Variants in ESR1 observed in about 807,000 individuals in gnomAD.
ESR1 encodes the protein estrogen receptor 1.
Under a neutral mutation model 52.7 loss-of-function variants are expected in ESR1, and 12 were observed. The ratio of observed to expected loss-of-function variants is 0.23; its 90% CI spans 0.15 to 0.37. The LOEUF is 0.37. ESR1 is among the 10% of genes least tolerant of loss of function. ESR1 has a pLI of 1.00. For synonymous variants in ESR1, 305 were observed against 316.8 expected, an observed-to-expected ratio of 0.96 and a Z score of 0.39; for missense variants, 584 against 779.7, an observed-to-expected ratio of 0.75 and a Z score of 2.99.
At chr6:151,739,658 C>T (rs1001006852) in intron 2 of ESR1, among the ~76,000 whole-genome samples, 14 of 152,228 alleles carry the variant, frequency 9.2e-5, no homozygotes, top group African/African-American at 2.7e-4. Context: ...ACCCCGAACC[C>T]CTTTGATCCC....
chr6:152,007,279 A>T (rs2042407896), intron 4 of ESR1, among the ~76,000 whole-genome samples: 1 of 152,022 alleles, frequency 6.6e-6, no homozygotes, highest in African/African-American at 2.4e-5. Flanking sequence ...AGGGAGGTGG[A>T]CATGCTATGA....
At chr6:151,738,778 C>T (rs1356688715) in intron 2 of ESR1, among the ~76,000 whole-genome samples, 1 of 152,098 alleles carries the variant, frequency 6.6e-6, no homozygotes, top group Non-Finnish European at 1.5e-5. Flanking sequence ...TTCTAATGTG[C>T]ATGAGCTGGA....
chr6:152,036,341 C>G (rs1562705546), intron 5 of ESR1, among the ~76,000 whole-genome samples: 2 of 152,268 alleles, frequency 1.3e-5, no homozygotes, highest in East Asian at 1.9e-4. Flanking sequence ...GCCTGGGCAA[C>G]AGTGCGAGAC....
rs534325705 is a variant in ESR1 at position 151,944,495 on chromosome 6, G to T, written c.1083G>T (p.Ala361=). 8.7e-6 allele frequency: 14 copies of T among 1,614,218 alleles called. No individual in the cohort carries two copies. Among genetic ancestry groups the T allele is most frequent in the Non-Finnish European group, 1.2e-5 (14 of 1,180,028 alleles). ...DRELVHMINW[A]KRVPGFVDLT... ...AGCTGGTTCACATGATCAACTGGGC[G>T]AAGAGGGTGCCAGGTAAGAATGCGA... The change falls in exon 4 of 8, where the codon GCG becomes GCT. Residue 361 remains alanine, a synonymous_variant. Transcript: ENST00000206249.
chr6:151,901,019 C>T (rs866170184), intron 3 of ESR1, among the ~76,000 whole-genome samples: 3 of 152,182 alleles, frequency 2.0e-5, no homozygotes, highest in African/African-American at 7.2e-5. Context: ...GAGTATATGA[C>T]CTTTGCCTTC....
intron 2 of ESR1, among the ~76,000 whole-genome samples, chr6:151,711,116 A>G (rs548764713): frequency 2.0e-5 from 3 of 152,140 alleles, no homozygotes; most frequent in Admixed American, 2.0e-4. Flanking sequence ...GATCCTTGAG[A>G]AATTGCCACA....
At chr6:151,899,158 G>A (rs1268152954) in intron 3 of ESR1, among the ~76,000 whole-genome samples, 1 of 146,666 alleles carries the variant, frequency 6.8e-6, no homozygotes, top group Non-Finnish European at 1.5e-5. Flanking sequence ...GGACGGGGCG[G>A]CTGGCCGGGC....
chr6:151,937,436 G>A lies in ESR1; in HGVS notation c.761-6737G>A, dbSNP rs192021885. Among the ~76,000 whole-genome samples, 291 of 152,274 alleles carry A rather than the reference G, an allele frequency of 1.9e-3. 1 individual carries two copies. Among genetic ancestry groups the A allele is most frequent in the African/African-American group, 6.8e-3 (282 of 41,572 alleles). On this transcript the variant is annotated intron_variant, in intron 3 of 7. Coordinates refer to ENST00000206249, the MANE Select transcript of ESR1 (RefSeq NM_000125.4). ...AAGATAGACAAGATCAGTTAATTGG[G>A]TTGGAGGGAAGACTGAAGATAGGCA...
intron 2 of ESR1, among the ~76,000 whole-genome samples, chr6:151,743,985 A>G (rs769462335): frequency 1.3e-5 from 2 of 152,128 alleles, no homozygotes; most frequent in African/African-American, 4.8e-5. Flanking sequence ...GAAATTTCAT[A>G]TAAATGGAAT....
At position 151,712,096 on chromosome 6, in the gene ESR1, A is replaced by G. The variant is rs558339971; in HGVS notation, c.-71+10091A>G. ...GTTTTCCCATCACCATTTATTAAAT[A>G]GGGAATCCTTTCCCCATTGCTTGTT... On this transcript the variant is annotated intron_variant, in intron 2 of 2. Transcript: ENST00000404742. 3.3e-5 allele frequency among the ~76,000 whole-genome samples: 5 copies of G among 152,340 alleles called. No individual in the cohort carries two copies. The East Asian group carries it at 9.6e-4, about 29-fold the overall frequency.
intron 5 of ESR1, among the ~76,000 whole-genome samples, chr6:152,058,661 G>A (rs999229069): frequency 1.6e-4 from 23 of 147,412 alleles, no homozygotes; most frequent in Non-Finnish European, 1.9e-4. Flanking sequence ...CTTTTCCTGT[G>A]TCTTGCACCT....
At chr6:151,750,195 G>C (rs914734086) in intron 2 of ESR1, among the ~76,000 whole-genome samples, 2 of 152,074 alleles carry the variant, frequency 1.3e-5, no homozygotes, top group African/African-American at 2.4e-5. Context: ...TTCAGCTCTG[G>C]TTATGTACAT....
At chr6:152,051,213 C>T (rs955450573) in intron 5 of ESR1, among the ~76,000 whole-genome samples, 1 of 152,088 alleles carries the variant, frequency 6.6e-6, no homozygotes, top group Non-Finnish European at 1.5e-5. Flanking sequence ...CATACTAAGC[C>T]CCATAATCAG....
At chr6:151,915,041 G>C (rs1798835863) in intron 3 of ESR1, among the ~76,000 whole-genome samples, 4 of 151,978 alleles carry the variant, frequency 2.6e-5, no homozygotes, top group Admixed American at 2.6e-4. Context: ...TATTGTTTCT[G>C]GCTTTTAAAA....
At chr6:151,736,375 G>GGTTTTTTTTTTTTTTTTTTTTTTTTT (rs1554247186) in intron 2 of ESR1, among the ~76,000 whole-genome samples, 1 of 112,742 alleles carries the variant, frequency 8.9e-6, no homozygotes, top group African/African-American at 3.8e-5. Context: ...TCCAGGTAGT[G>GGTTTTTTTTTTTTTTTTTTTTTTTTT]TTTTTTTTTT....
rs112080843 is a variant in ESR1, at chr6:151,718,282, T to A, written c.-71+16277T>A. On this transcript the variant is annotated intron_variant, in intron 2 of 2. Transcript: ENST00000404742. Reference sequence around the variant, plus strand: ...AGTCAACTACATCTGGAAGGTTCTCTCTGGACAAGGAGCATAAGTGAAAAA... The same window carrying A: ...AGTCAACTACATCTGGAAGGTTCTCACTGGACAAGGAGCATAAGTGAAAAA... Among the ~76,000 whole-genome samples, 411 of 152,308 alleles carry A rather than the reference T, an allele frequency of 2.7e-3. 2 individuals carry two copies. Among genetic ancestry groups the A allele is most frequent in the African/African-American group, 9.1e-3 (380 of 41,566 alleles).
intron 2 of ESR1, among the ~76,000 whole-genome samples, chr6:151,709,854 T>C (rs1261819161): frequency 6.6e-6 from 1 of 151,842 alleles, no homozygotes; most frequent in East Asian, 1.9e-4. Flanking sequence ...TGAAATAAAA[T>C]TTTTCTTCCT....
intron 5 of ESR1, among the ~76,000 whole-genome samples, chr6:152,059,284 A>G (rs541331113): frequency 6.6e-6 from 1 of 152,090 alleles, no homozygotes; most frequent in South Asian, 2.1e-4. Flanking sequence ...AGATAATTTT[A>G]TATGTTATGT....
At chr6:151,979,574 T>C (rs1457478605) in intron 4 of ESR1, among the ~76,000 whole-genome samples, 1 of 152,130 alleles carries the variant, frequency 6.6e-6, no homozygotes, top group Non-Finnish European at 1.5e-5. Context: ...ATATTTTAAT[T>C]TACTTTTGAG....
Sources: gnomAD v4.1 joint callset for allele counts (sites outside exome capture counted in the v4.1 genomes callset) on GRCh38, gnomAD v4.1.1 for gene constraint, MANE v1.5 for transcripts, NCBI Gene and HGNC (gene_info 2026-07-23, HGNC 2026-07-21) for gene names.